The following TENM4 variants were observed in gnomAD, a reference collection of about 807,000 sequenced individuals.
TENM4 encodes the protein teneurin-4.
Under a neutral mutation model 243.3 loss-of-function variants are expected in TENM4, and 82 were observed. The observed-to-expected ratio is 0.34, with a 90% CI of 0.28 to 0.40. The LOEUF (loss-of-function observed/expected upper bound fraction) is 0.40, where lower values mean the gene tolerates loss of function less well. Ranked by LOEUF, TENM4 falls within the 10% of genes least tolerant of loss-of-function variation. The pLI is 1.00. For missense variants in TENM4, 3,138 were observed against 3,673.3 expected, an observed-to-expected ratio of 0.85 and a Z score of 3.77; for synonymous variants, 1,412 against 1,456.3, an observed-to-expected ratio of 0.97 and a Z score of 0.69.
intron 6 of TENM4, among the ~76,000 whole-genome samples, chr11:79,059,070 A>G (rs979675621): frequency 2.0e-5 from 3 of 152,174 alleles, no homozygotes; most frequent in Non-Finnish European, 4.4e-5. Flanking sequence ...ATGCTCACCT[A>G]ATCTACTGAC....
intron 1 of TENM4, among the ~76,000 whole-genome samples, chr11:79,342,876 C>A (rs527538999): frequency 6.6e-5 from 10 of 152,342 alleles, no homozygotes; most frequent in African/African-American, 2.4e-4. Context: ...GTCCCTGGCG[C>A]CCTGCAGCTT....
rs368042923 is a variant in TENM4, at chr11:78,720,404, G to C, written c.3801-14C>G. On this transcript the variant is annotated splice_polypyrimidine_tract_variant and intron_variant, in intron 24 of 33. Coordinates refer to ENST00000278550, the MANE Select transcript of TENM4 (RefSeq NM_001098816.3). ...AAATCTTTATTTCTGACAGAAGACA[G>C]GAGAGCAGGGAATAGAAGAAAGAAT... is the stretch of plus-strand genomic sequence containing the variant. The C allele has an allele frequency of 9.9e-6, 16 of 1,613,740 alleles. No individual in the cohort carries two copies. In the East Asian group the frequency reaches 3.6e-4, roughly 36 times the overall value.
rs551178148 is a variant in TENM4, at chr11:78,676,677, T to C, written c.5261-290A>G. Among the ~76,000 whole-genome samples the C allele has an allele frequency of 2.5e-3, 378 of 152,380 alleles. 7 individuals are homozygous for C. Among genetic ancestry groups the C allele is most frequent in the Middle Eastern group, 0.02 (6 of 294 alleles). On this transcript the variant is annotated intron_variant, in intron 29 of 33. Transcript: ENST00000278550. ...GAGTTTTAAAACAGTTATACAGTTT[T>C]TCACTGATCATTGTATTATATCATG...
At chr11:79,225,270 G>A (rs537426372) in intron 2 of TENM4, among the ~76,000 whole-genome samples, 70 of 152,288 alleles carry the variant, frequency 4.6e-4, no homozygotes, top group African/African-American at 9.4e-4. Flanking sequence ...AAGCTTACAC[G>A]CCTAAGAAAA....
At chr11:78,853,108 C>T (rs1858582380) in intron 12 of TENM4, among the ~76,000 whole-genome samples, 1 of 151,908 alleles carries the variant, frequency 6.6e-6, no homozygotes, top group Non-Finnish European at 1.5e-5. Context: ...GATTCCTAGC[C>T]AACGACTGAG....
At chr11:79,355,626 C>T (rs763016564) in intron 1 of TENM4, among the ~76,000 whole-genome samples, 4 of 105,624 alleles carry the variant, frequency 3.8e-5, no homozygotes, top group Non-Finnish European at 8.3e-5. Context: ...TCCCATTATA[C>T]AAACTGTTCA....
At chr11:78,968,795 A>G (rs1232690094) in intron 6 of TENM4, among the ~76,000 whole-genome samples, 1 of 152,218 alleles carries the variant, frequency 6.6e-6, no homozygotes, top group Non-Finnish European at 1.5e-5. Context: ...CATAACTTCA[A>G]TGCTGTTTCC....
intron 9 of TENM4, among the ~76,000 whole-genome samples, chr11:78,872,896 T>C (rs1314171676): frequency 6.6e-6 from 1 of 152,190 alleles, no homozygotes; most frequent in African/African-American, 2.4e-5. Context: ...AGTTTTAATT[T>C]GTGTATGTAT....
chr11:79,318,522 C>T (rs1306645585), intron 1 of TENM4, among the ~76,000 whole-genome samples: 1 of 152,124 alleles, frequency 6.6e-6, no homozygotes, highest in African/African-American at 2.4e-5. Context: ...GGTGTAAATA[C>T]TCCAACCATG....
chr11:79,396,238 C>G (rs556631362), intron 1 of TENM4, among the ~76,000 whole-genome samples: 2 of 152,304 alleles, frequency 1.3e-5, no homozygotes, highest in Admixed American at 1.3e-4. Flanking sequence ...ATATTCTCCC[C>G]CACTGTATGG....
chr11:78,711,223 A>T (rs779443693), intron 26 of TENM4, among the ~76,000 whole-genome samples: 2 of 152,218 alleles, frequency 1.3e-5, no homozygotes, highest in Non-Finnish European at 2.9e-5. Context: ...TATGTGGTAG[A>T]GACAATGTGA....
chr11:79,205,759 G>C (rs1303278465), intron 3 of TENM4, among the ~76,000 whole-genome samples: 1 of 152,200 alleles, frequency 6.6e-6, no homozygotes, highest in African/African-American at 2.4e-5. Context: ...ATAATAACTA[G>C]AATGTTTTAA....
intron 30 of TENM4, among the ~76,000 whole-genome samples, chr11:78,674,870 AG>A (rs1043709320): frequency 6.7e-6 from 1 of 148,270 alleles, no homozygotes; most frequent in East Asian, 2.0e-4. Flanking sequence ...CCTATTTTCT[AG>A]TTTTTTTTTT....
chr11:78,882,564 A>G (rs1384930412), intron 9 of TENM4, among the ~76,000 whole-genome samples: 1 of 152,222 alleles, frequency 6.6e-6, no homozygotes, highest in East Asian at 1.9e-4. Flanking sequence ...GGGAAGTCTA[A>G]TATGTCTTCT....
intron 1 of TENM4, among the ~76,000 whole-genome samples, chr11:79,325,104 G>A (rs574846703): frequency 5.3e-5 from 8 of 152,338 alleles, no homozygotes; most frequent in African/African-American, 9.6e-5. Flanking sequence ...ACGTTGGCAC[G>A]TGGAAGAGAG....
intron 4 of TENM4, among the ~76,000 whole-genome samples, chr11:79,123,056 A>T (rs143780183): frequency 3.3e-5 from 5 of 152,248 alleles, no homozygotes; most frequent in African/African-American, 1.2e-4. Context: ...GCAGAAAACA[A>T]ATTTGCAGAG....
chr11:79,392,019 T>A (rs58572725), intron 1 of TENM4, among the ~76,000 whole-genome samples: 2 of 152,200 alleles, frequency 1.3e-5, no homozygotes, highest in African/African-American at 4.8e-5. Flanking sequence ...TCCTCTTTCA[T>A]GCAGTTGATA....
In TENM4 at chr11:78,657,133, T is replaced by G. The variant is rs1857915084; in HGVS notation, c.*925A>C. ...TGTTCTGTGGACATGGTGCCCACATTGAAGGCTTGCTGTGCAGTGCTCGTT... is the reference window on the plus strand; with the variant it reads ...TGTTCTGTGGACATGGTGCCCACATGGAAGGCTTGCTGTGCAGTGCTCGTT... On this transcript the variant is annotated 3_prime_UTR_variant, in exon 34 of 34. Coordinates refer to ENST00000278550, the MANE Select transcript of TENM4 (RefSeq NM_001098816.3). 2.5e-6 allele frequency: 1 copy of G among 398,522 alleles called. No individual in the cohort carries two copies. Among genetic ancestry groups the G allele is most frequent in the Non-Finnish European group, 4.4e-6 (1 of 226,080 alleles). 24.7% of individuals were successfully genotyped at this position (398,522 alleles called of 1,614,324 possible). A position where few individuals can be genotyped will look rare whatever the true frequency, so the allele number is the denominator to read the frequency against.
intron 9 of TENM4, among the ~76,000 whole-genome samples, chr11:78,888,888 G>T (rs1855602408): frequency 6.6e-6 from 1 of 152,190 alleles, no homozygotes; most frequent in Non-Finnish European, 1.5e-5. Flanking sequence ...GACCTCTAGG[G>T]TTAAGCCAAT....
Sources: gnomAD v4.1 joint callset for allele counts (sites outside exome capture counted in the v4.1 genomes callset) on GRCh38, gnomAD v4.1.1 for gene constraint, MANE v1.5 for transcripts, NCBI Gene and HGNC (gene_info 2026-07-23, HGNC 2026-07-21) for gene names.